HTR6: variants seen among roughly 807,000 people sequenced by gnomAD.
The protein encoded by HTR6 is 5-hydroxytryptamine receptor 6.
Under a neutral mutation model 17.4 loss-of-function variants are expected in HTR6, and 15 were observed. The observed-to-expected ratio is 0.86, with a 90% CI of 0.58 to 1.33. The LOEUF is 1.33. Among genes scored for constraint, HTR6 ranks in the 40% most tolerant of loss-of-function variants. HTR6 has a pLI of 0.00. For missense variants in HTR6, 578 were observed against 616.0 expected (o/e 0.94, Z 0.65); for synonymous variants, 326 against 295.5 (o/e 1.10, Z -1.06).
intron 1 of HTR6, among the ~76,000 whole-genome samples, chr1:19,669,827 G>C (rs2095085731): frequency 6.6e-6 from 1 of 152,146 alleles, no homozygotes; most frequent in South Asian, 2.1e-4. Flanking sequence ...GTAGAGACAG[G>C]GTTTCACCAT....
intron 1 of HTR6, among the ~76,000 whole-genome samples, chr1:19,674,607 T>C (rs934099742): frequency 2.6e-5 from 4 of 152,192 alleles, no homozygotes; most frequent in Admixed American, 2.0e-4. Context: ...GGTTTTGCCA[T>C]GTTGGCCAGG....
chr1:19,674,120 G>A (rs1021311127), intron 1 of HTR6, among the ~76,000 whole-genome samples: 14 of 151,970 alleles, frequency 9.2e-5, no homozygotes, highest in Non-Finnish European at 1.6e-4. Flanking sequence ...CACCTGCCTC[G>A]GCCTCCCAAA....
In HTR6 at chr1:19,679,081, G is replaced by C; in HGVS notation, c.1036G>C (p.Ala346Pro). ...TCCACGCTGTCCCCGGGAGCGCCAG[G>C]CCAGCCTGGCCTCGCCATCACTGCG... ...PCPRCPRERQ[A>P]SLASPSLRTS... Residue 346 changes from alanine to proline, a missense_variant, in exon 3 of 3, where the codon GCC becomes CCC. By Grantham distance (27) the Ala-to-Pro change is conservative. Coordinates refer to ENST00000289753, the MANE Select transcript of HTR6 (RefSeq NM_000871.3). The surrounding 1 kb of genome is among the most constrained non-coding windows in gnomAD (Gnocchi z 4.9). 1 of 1,613,832 alleles carries C rather than the reference G, an allele frequency of 6.2e-7. No individual in the cohort carries two copies. Among genetic ancestry groups the C allele is most frequent in the South Asian group, 1.1e-5 (1 of 91,068 alleles).
intron 1 of HTR6, among the ~76,000 whole-genome samples, chr1:19,677,269 C>G (rs763490327): frequency 2.0e-5 from 3 of 151,772 alleles, no homozygotes; most frequent in African/African-American, 7.3e-5. Flanking sequence ...TCAAAAGGCT[C>G]ATGAAGTTTA....
chr1:19,669,741 C>T (rs1166761774), intron 1 of HTR6, among the ~76,000 whole-genome samples: 1 of 152,214 alleles, frequency 6.6e-6, no homozygotes, highest in Non-Finnish European at 1.5e-5. Flanking sequence ...GAAAATACCA[C>T]CCACACGCTG....
In HTR6 at chr1:19,678,728, A is replaced by T. The variant is rs1252383283; in HGVS notation, c.873+3A>T. 6.2e-7 allele frequency: 1 copy of T among 1,605,916 alleles called. No homozygotes were observed. Among genetic ancestry groups the T allele is most frequent in the East Asian group, 2.2e-5 (1 of 44,644 alleles). On this transcript the variant is annotated splice_donor_region_variant and intron_variant, in intron 2 of 2. Transcript: ENST00000289753. ...TCTTTGTGGCCAACATAGTCCAGGT[A>T]ATGCCACGGCAGGGGGCAGGTGAGT...
rs201269575 is a variant in HTR6 at position 19,665,448 on chromosome 1, C to G, written c.-306C>G. 10 of 315,654 alleles carry G rather than the reference C, an allele frequency of 3.2e-5. No homozygotes were observed. Among genetic ancestry groups the G allele is most frequent in the South Asian group, 1.3e-4 (1 of 7,730 alleles). 19.6% of individuals were successfully genotyped at this position (315,654 alleles called of 1,614,324 possible). A position where few individuals can be genotyped will look rare whatever the true frequency, so the allele number is the denominator to read the frequency against. On this transcript the variant is annotated 5_prime_UTR_variant, in exon 1 of 3. Transcript: ENST00000289753. This position sits in a 1 kb window ranked among gnomAD's most constrained non-coding sequence, Gnocchi z 4.2. ...ATCCGACCTCTGCTTGACTTCCCGC[C>G]GCTTCCTTCAGGGGCCTCGGCTCAT...
In HTR6 at chr1:19,666,041, C is replaced by A; in HGVS notation, c.288C>A (p.Arg96=). The A allele has an allele frequency of 1.9e-6, 3 of 1,613,498 alleles. No individual in the cohort carries two copies. Among genetic ancestry groups the A allele is most frequent in the South Asian group, 1.1e-5 (1 of 91,046 alleles). The change falls in exon 1 of 3, where the codon CGC becomes CGA. Residue 96 remains arginine (R), a synonymous_variant. Transcript: ENST00000289753. The surrounding 1 kb of genome is among the most constrained non-coding windows in gnomAD (Gnocchi z 4.5). ...NALYGRWVLA[R]GLCLLWTAFD... is the part of the protein sequence containing the mutation. ...TGTACGGGCGCTGGGTGCTGGCGCG[C>A]GGCCTCTGCCTGCTCTGGACCGCCT...
chr1:19,671,299 AG>A (rs2095087640), intron 1 of HTR6, among the ~76,000 whole-genome samples: 1 of 152,202 alleles, frequency 6.6e-6, no homozygotes, highest in African/African-American at 2.4e-5. Flanking sequence ...AGAGTGACTC[AG>A]GGGCCTCTCA....
intron 1 of HTR6, among the ~76,000 whole-genome samples, chr1:19,673,860 C>CTTTTTTT (rs549470101): frequency 7.8e-6 from 1 of 128,354 alleles, no homozygotes; most frequent in African/African-American, 3.0e-5. Context: ...CCTTCTAGGT[C>CTTTTTTT]TTTTTTTTTT....
intron 1 of HTR6, among the ~76,000 whole-genome samples, chr1:19,677,486 G>A (rs1469989301): frequency 6.6e-6 from 1 of 152,108 alleles, no homozygotes; most frequent in African/African-American, 2.4e-5. Flanking sequence ...ATGCCTGCCA[G>A]TTCGCAGTAT....
At position 19,680,946 on chromosome 1, in the gene HTR6, A is replaced by G. The variant is rs771758095; in HGVS notation, c.*1578A>G. Among the ~76,000 whole-genome samples the G allele has an allele frequency of 1.6e-4, 24 of 152,064 alleles. No individual in the cohort carries two copies. The highest frequency in any genetic ancestry group is 3.4e-4 in the Non-Finnish European group (23 of 68,020). Reference sequence around the variant, plus strand: ...CCCAGGTCTGCCCAAGGGGACTCTCAATAAACTCTAGCTGAAGGCAGTGGC... The same window carrying G: ...CCCAGGTCTGCCCAAGGGGACTCTCGATAAACTCTAGCTGAAGGCAGTGGC... On this transcript the variant is annotated 3_prime_UTR_variant, in exon 3 of 3. Transcript: ENST00000289753.
chr1:19,680,412 T>A lies in HTR6; in HGVS notation c.*1044T>A, dbSNP rs532746655. ...TGGGGACCCCATCTCTCAGGGACCC[T>A]CCCAGCTCCCAAGCTGCTGCCCTGC... On this transcript the variant is annotated 3_prime_UTR_variant, in exon 3 of 3. Transcript: ENST00000289753. Among the ~76,000 whole-genome samples, 14 of 152,298 alleles carry A rather than the reference T, an allele frequency of 9.2e-5. No individual in the cohort carries two copies. The highest frequency in any genetic ancestry group is 9.1e-4 in the Admixed American group (14 of 15,310).
intron 1 of HTR6, 33 bp from the exon 2 acceptor site, chr1:19,678,534 C>A: frequency 6.2e-7 from 1 of 1,611,852 alleles, no homozygotes; most frequent in Non-Finnish European, 8.5e-7. Flanking sequence ...GGGGCCCTTT[C>A]TCAACGGACT....
chr1:19,666,761 C>T lies in HTR6; in HGVS notation c.714+294C>T, dbSNP rs951552276. On this transcript the variant is annotated intron_variant, in intron 1 of 2. Coordinates refer to ENST00000289753, the MANE Select transcript of HTR6 (RefSeq NM_000871.3). The surrounding 1 kb of genome is among the most constrained non-coding windows in gnomAD (Gnocchi z 4.5). Reference sequence around the variant, plus strand: ...TGGTCTTCCCCATCATGGCAAATGGCACCATTGCGGCATCACATGCCAGGA... The same window carrying T: ...TGGTCTTCCCCATCATGGCAAATGGTACCATTGCGGCATCACATGCCAGGA... Among the ~76,000 whole-genome samples, 3 of 152,094 alleles carry T rather than the reference C, an allele frequency of 2.0e-5. No homozygotes were observed. The highest frequency in any genetic ancestry group is 4.4e-5 in the Non-Finnish European group (3 of 68,022).
chr1:19,673,926 G>T (rs990723786), intron 1 of HTR6, among the ~76,000 whole-genome samples: 4 of 149,434 alleles, frequency 2.7e-5, no homozygotes, highest in Non-Finnish European at 5.9e-5. Flanking sequence ...GAGTGCAGTG[G>T]TACAACCACG....
rs532739918 is a variant in HTR6 at position 19,680,960 on chromosome 1, G to C, written c.*1592G>C. 3.7e-4 allele frequency among the ~76,000 whole-genome samples: 56 copies of C among 152,262 alleles called. No homozygotes were observed. Among genetic ancestry groups the C allele is most frequent in the Middle Eastern group, 3.4e-3 (1 of 294 alleles). On this transcript the variant is annotated 3_prime_UTR_variant, in exon 3 of 3. Coordinates refer to ENST00000289753, the MANE Select transcript of HTR6 (RefSeq NM_000871.3). Reference sequence around the variant, plus strand: ...AGGGGACTCTCAATAAACTCTAGCTGAAGGCAGTGGCTGTGGTGTGGACTG... The same window carrying C: ...AGGGGACTCTCAATAAACTCTAGCTCAAGGCAGTGGCTGTGGTGTGGACTG...
chr1:19,668,185 C>T (rs1407161358), intron 1 of HTR6, among the ~76,000 whole-genome samples: 1 of 152,210 alleles, frequency 6.6e-6, no homozygotes, highest in Non-Finnish European at 1.5e-5. Context: ...GGGACTCTGA[C>T]TTGCTTCTTC....
At chr1:19,672,828 G>A (rs114641745) in intron 1 of HTR6, among the ~76,000 whole-genome samples, 1,964 of 152,190 alleles carry the variant, frequency 0.013, 49 homozygotes, top group African/African-American at 0.043. Context: ...CTAGGAGTTC[G>A]AGACCAGCCT....
Sources: gnomAD v4.1 joint callset for allele counts (sites outside exome capture counted in the v4.1 genomes callset) on GRCh38, gnomAD v4.1.1 for gene constraint, Gnocchi (gnomAD v3.1) non-coding constraint, MANE v1.5 for transcripts, NCBI Gene and HGNC (gene_info 2026-07-23, HGNC 2026-07-21) for gene names.